The following RFX2 variants were observed in gnomAD, a reference collection of about 807,000 sequenced individuals.
RFX2 encodes the protein DNA-binding protein RFX2.
In RFX2, 20 loss-of-function variants were observed where a neutral mutation model predicts 87.8. The ratio of observed to expected loss-of-function variants is 0.23; its 90% CI spans 0.16 to 0.33. The LOEUF (loss-of-function observed/expected upper bound fraction) is 0.33. Among genes scored for constraint, RFX2 ranks in the 10% least tolerant of loss-of-function variants. The pLI is 1.00. For synonymous variants in RFX2, 397 were observed against 431.3 expected, an observed-to-expected ratio of 0.92 and a Z score of 0.98; for missense variants, 767 against 1,012.3, an observed-to-expected ratio of 0.76 and a Z score of 3.29.
rs898260227 is a variant in RFX2 at position 6,001,396 on chromosome 19, G to C, written c.1859+419C>G. Reference sequence around the variant, plus strand: ...TCCACCTCAGCCTCACAAGTATCTGGGACCACAGGCACATGCCACCACGTC... The same window carrying C: ...TCCACCTCAGCCTCACAAGTATCTGCGACCACAGGCACATGCCACCACGTC... On this transcript the variant is annotated intron_variant, in intron 15 of 17. Coordinates refer to ENST00000303657, the MANE Select transcript of RFX2 (RefSeq NM_000635.4). This position sits in a 1 kb window ranked among gnomAD's most constrained non-coding sequence, Gnocchi z 5.6. Among the ~76,000 whole-genome samples the C allele has an allele frequency of 6.6e-6, 1 of 152,122 alleles. No individual in the cohort carries two copies. Among genetic ancestry groups the C allele is most frequent in the African/African-American group, 2.4e-5 (1 of 41,412 alleles).
At chr19:6,066,297 A>G (rs1399521222) in intron 1 of RFX2, among the ~76,000 whole-genome samples, 1 of 152,158 alleles carries the variant, frequency 6.6e-6, no homozygotes, top group Non-Finnish European at 1.5e-5. Context: ...TGAAACCAGA[A>G]GGTGCTGGGT....
At chr19:6,090,282 A>G (rs2087914401) in intron 1 of RFX2, among the ~76,000 whole-genome samples, 1 of 151,982 alleles carries the variant, frequency 6.6e-6, no homozygotes. Flanking sequence ...AACACCTTTG[A>G]ATACAAATTT....
At chr19:6,029,295 A>G (rs539917011) in intron 5 of RFX2, among the ~76,000 whole-genome samples, 50 of 152,256 alleles carry the variant, frequency 3.3e-4, no homozygotes, top group African/African-American at 1.1e-3. Context: ...ATGTAGAAAT[A>G]AATAAATAGG....
intron 1 of RFX2, among the ~76,000 whole-genome samples, chr19:6,094,376 T>C (rs2087991507): frequency 6.6e-6 from 1 of 152,172 alleles, no homozygotes; most frequent in African/African-American, 2.4e-5. Flanking sequence ...TGGGGACAGA[T>C]CACTCAGGTG....
intron 1 of RFX2, among the ~76,000 whole-genome samples, chr19:6,086,381 T>A (rs1452987599): frequency 1.3e-5 from 2 of 152,198 alleles, no homozygotes; most frequent in Admixed American, 6.5e-5. Flanking sequence ...TGGTATAACC[T>A]ATTGCTCCCA....
intron 1 of RFX2, among the ~76,000 whole-genome samples, chr19:6,049,739 G>C (rs1209598006): frequency 6.6e-6 from 1 of 152,146 alleles, no homozygotes; most frequent in East Asian, 1.9e-4. Context: ...TGTTGGTCAG[G>C]CTGGTCTCAA....
rs1469473814 is a variant in RFX2, at chr19:6,024,194, G to A, written c.597+1969C>T. Among the ~76,000 whole-genome samples the A allele has an allele frequency of 6.6e-5, 10 of 152,200 alleles. No homozygotes were observed. The highest frequency in any genetic ancestry group is 4.8e-5 in the African/African-American group (2 of 41,452). On this transcript the variant is annotated intron_variant, in intron 6 of 17. Transcript: ENST00000303657. This position sits in a 1 kb window ranked among gnomAD's most constrained non-coding sequence, Gnocchi z 5.0. ...CGCCCAGGGCTGATACCCTGGACCC[G>A]CATGGGTTTGCGTTCAGGCTGAAGA...
intron 1 of RFX2, among the ~76,000 whole-genome samples, chr19:6,049,628 A>C (rs2087242537): frequency 6.6e-6 from 1 of 152,184 alleles, no homozygotes; most frequent in East Asian, 1.9e-4. Flanking sequence ...TCCTGGGTTC[A>C]AGTGATTCTC....
rs1291587694 is a variant in RFX2, at chr19:6,007,838, G to A, written c.1135-36C>T. 7 of 1,376,080 alleles carry A rather than the reference G, an allele frequency of 5.1e-6. No homozygotes were observed. Among genetic ancestry groups the A allele is most frequent in the South Asian group, 1.2e-5 (1 of 80,660 alleles). The allele number at this position is 1,376,080 out of a possible 1,614,324, so 85.2% of individuals were successfully genotyped here. On this transcript the variant is annotated intron_variant, in intron 10 of 17. Transcript: ENST00000303657. This position sits in a 1 kb window ranked among gnomAD's most constrained non-coding sequence, Gnocchi z 8.2. Reference sequence around the variant, plus strand: ...AGGGACCGGTGAGACAGACGGGTGCGTGCGCCCATCACGTGCACTCAGCAC... The same window carrying A: ...AGGGACCGGTGAGACAGACGGGTGCATGCGCCCATCACGTGCACTCAGCAC...
At chr19:5,996,931 C>A in intron 16 of RFX2, 129 bp downstream of exon 16, 1 of 965,548 alleles carries the variant, frequency 1.0e-6, no homozygotes, top group South Asian at 1.8e-5. Flanking sequence ...CTTTATCGAG[C>A]TGCAGCTCTG....
At chr19:6,073,380 AGCTGGAAGTGC>A in intron 1 of RFX2, 1 of 1,273,892 alleles carries the variant, frequency 7.8e-7, no homozygotes. Flanking sequence ...AGCGTCAAGG[AGCTGGAAGTGC>A]TGATGTGCAA....
Position 6,040,828 on chromosome 19 carries a change from G to C in RFX2, c.261-587C>G, listed in dbSNP as rs1568520247. 1.3e-5 allele frequency among the ~76,000 whole-genome samples: 2 copies of C among 152,206 alleles called. No homozygotes were observed. The highest frequency in any genetic ancestry group is 2.9e-5 in the Non-Finnish European group (2 of 68,040). On this transcript the variant is annotated intron_variant, in intron 4 of 17. Transcript: ENST00000303657. The surrounding 1 kb of genome is among the most constrained non-coding windows in gnomAD (Gnocchi z 6.1). ...AAATGGGTCACATGAGGGAGCTCCT[G>C]TGTGGAGATGGAGCAGTTCTGTATC...
At position 6,047,745 on chromosome 19, in the gene RFX2, T is replaced by C. The variant is rs922023424; in HGVS notation, c.-8-241A>G. Among the ~76,000 whole-genome samples the C allele has an allele frequency of 6.6e-6, 1 of 152,210 alleles. No homozygotes were observed. The highest frequency in any genetic ancestry group is 6.5e-5 in the Admixed American group (1 of 15,284). On this transcript the variant is annotated intron_variant, in intron 1 of 17. Transcript: ENST00000303657. The surrounding 1 kb of genome is among the most constrained non-coding windows in gnomAD (Gnocchi z 4.2). ...AATATAAAACCCAAAAAGGGCTCTG[T>C]CAGCGCACAATGGCAGGAATTCCTC...
At chr19:6,095,148 C>T (rs937454309) in intron 1 of RFX2, among the ~76,000 whole-genome samples, 8 of 152,024 alleles carry the variant, frequency 5.3e-5, no homozygotes, top group African/African-American at 1.2e-4. Flanking sequence ...AAATAAAATG[C>T]GGCTACTAGA....
intron 15 of RFX2, among the ~76,000 whole-genome samples, chr19:6,000,961 A>G (rs1315738771): frequency 6.6e-6 from 1 of 152,322 alleles, no homozygotes; most frequent in Non-Finnish European, 1.5e-5. Flanking sequence ...AGGGAGACTA[A>G]AACTCCTTGA....
At chr19:6,099,680 A>G (rs892868462) in intron 1 of RFX2, among the ~76,000 whole-genome samples, 2 of 152,220 alleles carry the variant, frequency 1.3e-5, no homozygotes, top group Non-Finnish European at 2.9e-5. Context: ...TCCATCCTCC[A>G]GAACCTTGTC....
At chr19:6,043,780 A>G (rs1306599808) in intron 3 of RFX2, among the ~76,000 whole-genome samples, 1 of 152,216 alleles carries the variant, frequency 6.6e-6, no homozygotes, top group Non-Finnish European at 1.5e-5. Context: ...GTGCTTTCAA[A>G]CTTTGTTCTT....
At chr19:6,031,821 A>C (rs753074512) in intron 5 of RFX2, among the ~76,000 whole-genome samples, 4 of 150,034 alleles carry the variant, frequency 2.7e-5, no homozygotes, top group Non-Finnish European at 5.9e-5. Context: ...ATGCCTCTGC[A>C]TTCTTTTTTA....
chr19:6,076,457 C>T (rs973834084), intron 1 of RFX2, among the ~76,000 whole-genome samples: 1 of 152,128 alleles, frequency 6.6e-6, no homozygotes, highest in Admixed American at 6.6e-5. Context: ...TGCCTGGGTC[C>T]GGTGCCTGGG....
Sources: gnomAD v4.1 joint callset for allele counts (sites outside exome capture counted in the v4.1 genomes callset) on GRCh38, gnomAD v4.1.1 for gene constraint, Gnocchi (gnomAD v3.1) non-coding constraint, MANE v1.5 for transcripts, NCBI Gene and HGNC (gene_info 2026-07-23, HGNC 2026-07-21) for gene names.